The following ROR1 variants were observed in gnomAD, a reference collection of about 807,000 sequenced individuals.
The protein encoded by ROR1 is ROR family WNT receptor 1.
ROR1 carries 19 observed loss-of-function variants against 78.8 expected under a neutral mutation model. That is an observed-to-expected ratio of 0.24 (90% confidence interval 0.17 to 0.35). ROR1 has a LOEUF of 0.35. Ranked by LOEUF, ROR1 falls within the 10% of genes least tolerant of loss-of-function variation. The pLI, the probability that ROR1 is intolerant of heterozygous loss-of-function variation, is 1.00. For synonymous variants in ROR1, 386 were observed against 433.6 expected (o/e 0.89, Z 1.36); for missense variants, 917 against 1,177.8 (o/e 0.78, Z 3.24).
intron 1 of ROR1, chr1:63,843,680 A>T (rs1211048206): frequency 1.8e-6 from 1 of 548,222 alleles, no homozygotes; most frequent in South Asian, 1.6e-5. Context: ...GCCACACCAG[A>T]GGCCATGTTT....
rs138013210 is a variant in ROR1, at chr1:63,996,421, G to A, written c.92-12884G>A. ...GGTGCAGGAAACCCAGTCCAGACAG[G>A]CGAAACATTTTAAACTGGTGCAATT... is the stretch of plus-strand genomic sequence containing the variant. On this transcript the variant is annotated intron_variant, in intron 1 of 8. Transcript: ENST00000371079. Among the ~76,000 whole-genome samples, 332 of 152,266 alleles carry A rather than the reference G, an allele frequency of 2.2e-3. 5 individuals carry two copies. Among genetic ancestry groups the A allele is most frequent in the Admixed American group, 0.019 (288 of 15,288 alleles).
At chr1:64,177,203 C>T (rs1650405239) in intron 8 of ROR1, among the ~76,000 whole-genome samples, 1 of 152,220 alleles carries the variant, frequency 6.6e-6, no homozygotes, top group South Asian at 2.1e-4. Flanking sequence ...AGCAAAAAAC[C>T]ATTTTGTGGC....
intron 1 of ROR1, among the ~76,000 whole-genome samples, chr1:63,969,685 T>C (rs763556703): frequency 1.7e-4 from 26 of 152,312 alleles, no homozygotes; most frequent in Non-Finnish European, 3.1e-4. Flanking sequence ...CCATGTGTGA[T>C]GAACCGTCCA....
At chr1:64,055,249 A>C (rs1269166822) in intron 4 of ROR1, among the ~76,000 whole-genome samples, 1 of 152,262 alleles carries the variant, frequency 6.6e-6, no homozygotes, top group East Asian at 1.9e-4. Context: ...CGCTGGTTGG[A>C]ATATAATGAA....
At chr1:63,932,027 GT>G (rs1645756874) in intron 1 of ROR1, among the ~76,000 whole-genome samples, 1 of 152,110 alleles carries the variant, frequency 6.6e-6, no homozygotes, top group African/African-American at 2.4e-5. Flanking sequence ...CTCATATTAT[GT>G]ACTCATAATA....
intron 1 of ROR1, among the ~76,000 whole-genome samples, chr1:63,803,639 C>T (rs1265561778): frequency 6.6e-6 from 1 of 152,160 alleles, no homozygotes; most frequent in Non-Finnish European, 1.5e-5. Context: ...CCACCGCGCC[C>T]GGCCCAAAAA....
intron 1 of ROR1, among the ~76,000 whole-genome samples, chr1:63,876,875 G>T (rs1645289784): frequency 6.6e-6 from 1 of 151,542 alleles, no homozygotes; most frequent in African/African-American, 2.4e-5. Flanking sequence ...AGAATCTCAT[G>T]TATTATATTC....
chr1:63,859,349 C>A (rs1307282287), intron 1 of ROR1, among the ~76,000 whole-genome samples: 1 of 152,150 alleles, frequency 6.6e-6, no homozygotes, highest in Admixed American at 6.5e-5. Flanking sequence ...TCTGTCTCTC[C>A]AGAGTCTGAT....
rs1553134841 is a variant in ROR1, at chr1:63,824,651, C to CTTGGATATGTATGAGTTTAGCTTGGATA, written c.91+50144_91+50145insTGGATATGTATGAGTTTAGCTTGGATAT. Among the ~76,000 whole-genome samples the CTTGGATATGTATGAGTTTAGCTTGGATA allele has an allele frequency of 2.0e-5, 3 of 152,262 alleles. No homozygotes were observed. The East Asian group carries it at 5.8e-4, about 29-fold the overall frequency. Reference sequence around the variant, plus strand: ...AAATGAATAATAGAATTGAGTTTAGCTGAGGCTTGGATATGTATCCTACCT... The same window carrying CTTGGATATGTATGAGTTTAGCTTGGATA: ...AAATGAATAATAGAATTGAGTTTAGCTTGGATATGTATGAGTTTAGCTTGGATATGAGGCTTGGATATGTATCCTACCT... On this transcript the variant is annotated intron_variant, in intron 1 of 8. Transcript: ENST00000371079.
chr1:64,138,446 G>A (rs1327752365), intron 5 of ROR1, among the ~76,000 whole-genome samples: 5 of 151,886 alleles, frequency 3.3e-5, no homozygotes, highest in Non-Finnish European at 5.9e-5. Context: ...ACCCAAGGCA[G>A]AAACATAGAA....
rs565758734 is a variant in ROR1, at chr1:64,103,209, T to C, written c.483-34160T>C. 4.6e-5 allele frequency among the ~76,000 whole-genome samples: 7 copies of C among 152,322 alleles called. No individual in the cohort carries two copies. In the East Asian group the frequency reaches 1.4e-3, roughly 29 times the overall value. ...ATGTGGGCTCTTTTTTGGTTCCATATGAACTTTAAAGTAGTATTTTCCAAT... is the reference window on the plus strand; with the variant it reads ...ATGTGGGCTCTTTTTTGGTTCCATACGAACTTTAAAGTAGTATTTTCCAAT... On this transcript the variant is annotated intron_variant, in intron 4 of 8. Coordinates refer to ENST00000371079, the MANE Select transcript of ROR1 (RefSeq NM_005012.4).
chr1:63,946,043 C>T (rs1050939145), intron 1 of ROR1, among the ~76,000 whole-genome samples: 2 of 152,160 alleles, frequency 1.3e-5, no homozygotes, highest in African/African-American at 4.8e-5. Flanking sequence ...GTTTCAGCTA[C>T]AGAGAATTCT....
At chr1:63,962,014 C>T (rs1009876538) in intron 1 of ROR1, among the ~76,000 whole-genome samples, 5 of 152,174 alleles carry the variant, frequency 3.3e-5, no homozygotes, top group African/African-American at 4.8e-5. Flanking sequence ...TTACCCAGCA[C>T]TTTGAGAGGC....
intron 1 of ROR1, among the ~76,000 whole-genome samples, chr1:63,872,860 A>G (rs766777853): frequency 1.8e-4 from 27 of 152,100 alleles, no homozygotes; most frequent in Middle Eastern, 3.2e-3. Flanking sequence ...GTTAGTCACA[A>G]TCTCTTGGTT....
intron 1 of ROR1, among the ~76,000 whole-genome samples, chr1:63,922,509 G>T (rs1264152160): frequency 6.6e-6 from 1 of 151,912 alleles, no homozygotes; most frequent in East Asian, 1.9e-4. Flanking sequence ...CGAAGCCCAG[G>T]ATTTTGTGCC....
intron 1 of ROR1, among the ~76,000 whole-genome samples, chr1:63,862,391 CAAAA>C (rs1164915396): frequency 3.5e-5 from 2 of 56,820 alleles, no homozygotes; most frequent in African/African-American, 6.2e-5. Context: ...GAGACTGTCT[CAAAA>C]AAAAAAAAAA....
chr1:64,049,033 G>A (rs1044592335), intron 2 of ROR1, among the ~76,000 whole-genome samples: 1 of 152,122 alleles, frequency 6.6e-6, no homozygotes, highest in Non-Finnish European at 1.5e-5. Flanking sequence ...GCACAGTATT[G>A]TATATGAATT....
intron 4 of ROR1, among the ~76,000 whole-genome samples, chr1:64,115,210 C>A (rs1465706224): frequency 6.6e-6 from 1 of 151,606 alleles, no homozygotes; most frequent in Admixed American, 6.6e-5. Context: ...AACTAGGTGA[C>A]CCTGGACACA....
intron 1 of ROR1, among the ~76,000 whole-genome samples, chr1:63,878,573 G>A (rs992496670): frequency 6.6e-6 from 1 of 151,746 alleles, no homozygotes; most frequent in African/African-American, 2.4e-5. Context: ...TTGCTTACAG[G>A]TTTAGGGCTG....
Sources: gnomAD v4.1 joint callset for allele counts (sites outside exome capture counted in the v4.1 genomes callset) on GRCh38, gnomAD v4.1.1 for gene constraint, MANE v1.5 for transcripts, NCBI Gene and HGNC (gene_info 2026-07-23, HGNC 2026-07-21) for gene names.